The following PTPN23 variants were observed in gnomAD, a reference collection of about 807,000 sequenced individuals.
PTPN23 encodes the protein tyrosine-protein phosphatase non-receptor type 23.
A neutral mutation model predicts 156.3 loss-of-function variants in PTPN23; 72 were observed. The ratio of observed to expected loss-of-function variants is 0.46; its 90% CI spans 0.38 to 0.56. The LOEUF (loss-of-function observed/expected upper bound fraction) is 0.56. PTPN23 is among the 20% of genes least tolerant of loss of function. PTPN23 has a pLI of 0.00. For missense variants in PTPN23, 1,974 were observed against 2,171.5 expected (o/e 0.91, Z 1.81); for synonymous variants, 957 against 899.6 (o/e 1.06, Z -1.14).
At chr3:47,393,923 T>A (rs79811445) in intron 1 of PTPN23, among the ~76,000 whole-genome samples, 6 of 151,086 alleles carry the variant, frequency 4.0e-5, no homozygotes, top group South Asian at 2.1e-4. Flanking sequence ...TTTTTTTTTT[T>A]AATTTGTAGA....
chr3:47,402,427 G>A lies in PTPN23; in HGVS notation c.160-2225G>A, dbSNP rs141392278. On this transcript the variant is annotated intron_variant, in intron 2 of 24. Transcript: ENST00000265562. The stretch of plus-strand genomic sequence containing the variant: ...CCTGAGTAGCTGGAATTACAGGTGC[G>A]CACCATCATGCCTGGCTACTTTTTG... Among the ~76,000 whole-genome samples the A allele has an allele frequency of 2.3e-3, 344 of 151,834 alleles. 4 individuals are homozygous for A. Among genetic ancestry groups the A allele is most frequent in the African/African-American group, 7.9e-3 (326 of 41,380 alleles).
Position 47,408,936 on chromosome 3 carries a change from A to G in PTPN23, c.1491A>G (p.Glu497=). ...CTGAGCTGGCAGAGGTGAGGCGAGA[A>G]TGGGCCAAGTACATGGAAGTCCATG... The part of the protein sequence containing the change: ...SKAELAEVRR[E]WAKYMEVHEK... Residue 497 remains glutamate (E), a synonymous_variant, in exon 16 of 25, where the codon GAA becomes GAG. Transcript: ENST00000265562. 2 of 1,614,240 alleles carry G rather than the reference A, an allele frequency of 1.2e-6. No homozygotes were observed. Among genetic ancestry groups the G allele is most frequent in the Non-Finnish European group, 1.7e-6 (2 of 1,180,038 alleles).
rs529814888 is a variant in PTPN23 at position 47,402,260 on chromosome 3, C to T, written c.160-2392C>T. On this transcript the variant is annotated intron_variant, in intron 2 of 24. Coordinates refer to ENST00000265562, the MANE Select transcript of PTPN23 (RefSeq NM_015466.4). ...TAAATACATGTCTGTCAGATGTATACATATTTATCTATTTATTTATTATTA... is the reference window on the plus strand; with the variant it reads ...TAAATACATGTCTGTCAGATGTATATATATTTATCTATTTATTTATTATTA... Among the ~76,000 whole-genome samples, 615 of 152,042 alleles carry T rather than the reference C, an allele frequency of 4.0e-3. 1 individual carries two copies. The highest frequency in any genetic ancestry group is 6.3e-3 in the Non-Finnish European group (431 of 68,016).
rs1013290528 is a variant in PTPN23 at position 47,411,762 on chromosome 3, C to T, written c.3889-21C>T. Reference sequence around the variant, plus strand: ...GGGGATCCTGGAAAACCAGGTCTGTCTTGGCTTATCTGTCCCTCAGCAAAA... The same window carrying T: ...GGGGATCCTGGAAAACCAGGTCTGTTTTGGCTTATCTGTCCCTCAGCAAAA... On this transcript the variant is annotated intron_variant, in intron 20 of 24. Coordinates refer to ENST00000265562, the MANE Select transcript of PTPN23 (RefSeq NM_015466.4). The surrounding 1 kb of genome is among the most constrained non-coding windows in gnomAD (Gnocchi z 6.3). The T allele has an allele frequency of 1.3e-6, 2 of 1,598,654 alleles. No homozygotes were observed. The highest frequency in any genetic ancestry group is 2.2e-5 in the South Asian group (2 of 89,634).
At position 47,406,458 on chromosome 3, in the gene PTPN23, A is replaced by G. The variant is rs1267073438; in HGVS notation, c.628-23A>G. ...CACTTTACTGCTGACTCCCCCACTCATTGGGCCCCACCCTGTTCTCAGGTG... is the reference window on the plus strand; with the variant it reads ...CACTTTACTGCTGACTCCCCCACTCGTTGGGCCCCACCCTGTTCTCAGGTG... On this transcript the variant is annotated intron_variant, in intron 7 of 24. Coordinates refer to ENST00000265562, the MANE Select transcript of PTPN23 (RefSeq NM_015466.4). This position sits in a 1 kb window ranked among gnomAD's most constrained non-coding sequence, Gnocchi z 5.8. 3.1e-6 allele frequency: 5 copies of G among 1,613,758 alleles called. No homozygotes were observed. The highest frequency in any genetic ancestry group is 1.3e-5 in the African/African-American group (1 of 74,880).
At chr3:47,408,019 C>T (rs1705171267) in intron 14 of PTPN23, 64 bp downstream of exon 14, 41 of 1,543,944 alleles carry the variant, frequency 2.7e-5, no homozygotes, top group Non-Finnish European at 3.5e-5. Flanking sequence ...CTGGGGGCCC[C>T]AGGGCTGCCT....
chr3:47,404,188 A>G (rs1705064738), intron 2 of PTPN23, among the ~76,000 whole-genome samples: 1 of 152,220 alleles, frequency 6.6e-6, no homozygotes, highest in Non-Finnish European at 1.5e-5. Context: ...TAATCCCAGC[A>G]CTTTGAGAGG....
rs1225462672 is a variant in PTPN23 at position 47,407,085 on chromosome 3, C to G, written c.808-45C>G. ...GGTGGGAGGCAGGAGGAGAAAGGGT[C>G]CAAGCAGAGGAGGACAGAGCAGGCT... On this transcript the variant is annotated intron_variant, in intron 9 of 24. Transcript: ENST00000265562. This position sits in a 1 kb window ranked among gnomAD's most constrained non-coding sequence, Gnocchi z 4.0. 1 of 1,612,366 alleles carries G rather than the reference C, an allele frequency of 6.2e-7. No homozygotes were observed. The highest frequency in any genetic ancestry group is 1.3e-5 in the African/African-American group (1 of 74,924).
At chr3:47,399,563 C>T (rs759840340) in intron 2 of PTPN23, among the ~76,000 whole-genome samples, 1 of 152,126 alleles carries the variant, frequency 6.6e-6, no homozygotes, top group Non-Finnish European at 1.5e-5. Flanking sequence ...CGCAACACAC[C>T]CTAGAAGGAG....
rs748695676 is a variant in PTPN23 at position 47,410,660 on chromosome 3, GCCCCAGCCCCAT to G, written c.2865_2876del (p.Gln960_Pro963del). On this transcript the variant is annotated inframe_deletion, in exon 20 of 25. Coordinates refer to ENST00000265562, the MANE Select transcript of PTPN23 (RefSeq NM_015466.4). ...TTCCAGCCCCAAGGATTGGGCCCCA[GCCCCAGCCCCAT>G]CCTCAGCCCCATCCTTCACAAGCGT... 1 of 1,610,206 alleles carries G rather than the reference GCCCCAGCCCCAT, an allele frequency of 6.2e-7. No homozygotes were observed. The highest frequency in any genetic ancestry group is 8.5e-7 in the Non-Finnish European group (1 of 1,178,884).
chr3:47,388,719 C>A (rs1208143597), intron 1 of PTPN23, among the ~76,000 whole-genome samples: 1 of 139,982 alleles, frequency 7.1e-6, no homozygotes, highest in South Asian at 2.2e-4. Flanking sequence ...GGCTAGAGTA[C>A]AGTGGCACAA....
rs1297791995 is a variant in PTPN23, at chr3:47,410,710, C to T, written c.2912C>T (p.Pro971Leu). ...PHPSQAFGPQ[P>L]PQQPLPLQHP... ...CCTTCACAAGCGTTTGGGCCTCAGC[C>T]CCCACAGCAGCCCCTTCCACTCCAG... The change falls in exon 20 of 25, where the codon CCC (proline) becomes CTC (leucine). Residue 971 changes from proline to leucine, a missense_variant. By Grantham distance (98) the Pro-to-Leu change is moderately conservative (BLOSUM62 -3). This residue lies in a region of PTPN23 where 731 missense variants were observed against 669.1 expected (regional missense o/e 1.09). Transcript: ENST00000265562. 4.4e-6 allele frequency: 7 copies of T among 1,594,246 alleles called. No homozygotes were observed. The African/African-American group carries it at 9.4e-5, about 21-fold the overall frequency.
chr3:47,402,284 T>C (rs970507141), intron 2 of PTPN23, among the ~76,000 whole-genome samples: 1 of 152,082 alleles, frequency 6.6e-6, no homozygotes, highest in Non-Finnish European at 1.5e-5. Flanking sequence ...TATTTATTAT[T>C]ATTATTATTA....
chr3:47,402,508 G>C (rs1705016702), intron 2 of PTPN23, among the ~76,000 whole-genome samples: 1 of 152,096 alleles, frequency 6.6e-6, no homozygotes, highest in South Asian at 2.1e-4. Context: ...TCGAATTCCT[G>C]GGCTCAAGCG....
At chr3:47,402,093 C>T (rs1177791965) in intron 2 of PTPN23, among the ~76,000 whole-genome samples, 1 of 152,158 alleles carries the variant, frequency 6.6e-6, no homozygotes, top group Non-Finnish European at 1.5e-5. Context: ...GCACCTGCTC[C>T]TTGGAGGGTG....
At chr3:47,387,637 T>G (rs919141401) in intron 1 of PTPN23, among the ~76,000 whole-genome samples, 1 of 152,042 alleles carries the variant, frequency 6.6e-6, no homozygotes, top group African/African-American at 2.4e-5. Flanking sequence ...GAGTCAACTC[T>G]GGAACTGGAG....
chr3:47,404,889 A>C (rs1705086088), intron 3 of PTPN23, 110 bp downstream of exon 3: 10 of 1,577,986 alleles, frequency 6.3e-6, no homozygotes, highest in Non-Finnish European at 8.7e-6. Context: ...GAATGGCCTC[A>C]TATGGTCCCC....
chr3:47,407,688 C>T lies in PTPN23; in HGVS notation c.1004-9C>T, dbSNP rs762276090. The T allele has an allele frequency of 2.5e-6, 4 of 1,601,236 alleles. No homozygotes were observed. The highest frequency in any genetic ancestry group is 3.3e-5 in the Admixed American group (2 of 59,902). ...GTGGGCCTGATCTCCACAATTCCCA[C>T]CCCCCCAGGAGCCCCCTTGGTGAAG... On this transcript the variant is annotated splice_polypyrimidine_tract_variant and intron_variant, in intron 12 of 24. Coordinates refer to ENST00000265562, the MANE Select transcript of PTPN23 (RefSeq NM_015466.4). The surrounding 1 kb of genome is among the most constrained non-coding windows in gnomAD (Gnocchi z 4.0).
chr3:47,404,710 G>C lies in PTPN23; in HGVS notation c.218G>C (p.Gly73Ala), dbSNP rs745729269. Residue 73 changes from glycine (G) to alanine (A), a missense_variant, in exon 3 of 25, where the codon GGC (glycine) becomes GCC (alanine). Gly to Ala is a moderately conservative substitution (Grantham distance 60, BLOSUM62 0). Coordinates refer to ENST00000265562, the MANE Select transcript of PTPN23 (RefSeq NM_015466.4). ...EGCSVLRKYL[G>A]QLHYLQSRVP... The stretch of plus-strand genomic sequence containing the variant: ...TGTAGTGTCCTCCGCAAGTACCTCG[G>C]CCAGCTTCATTACCTGCAGAGTCGG... The C allele has an allele frequency of 6.2e-7, 1 of 1,614,046 alleles. No homozygotes were observed.
Sources: gnomAD v4.1 joint callset for allele counts (sites outside exome capture counted in the v4.1 genomes callset) on GRCh38, gnomAD v4.1.1 for gene constraint, gnomAD v4.1.1 regional missense constraint, Gnocchi (gnomAD v3.1) non-coding constraint, MANE v1.5 for transcripts, NCBI Gene and HGNC (gene_info 2026-07-23, HGNC 2026-07-21) for gene names.